PDE4D: variants seen among roughly 807,000 people sequenced by gnomAD.
The protein encoded by PDE4D is phosphodiesterase 4D.
A neutral mutation model predicts 87.4 loss-of-function variants in PDE4D; 24 were observed. That is an observed-to-expected ratio of 0.27 (90% confidence interval 0.20 to 0.39). The LOEUF (loss-of-function observed/expected upper bound fraction) is 0.39. Ranked by LOEUF, PDE4D falls within the 10% of genes least tolerant of loss-of-function variation. PDE4D has a pLI of 1.00. For missense variants in PDE4D, 714 were observed against 1,041.0 expected (o/e 0.69, Z 4.32); for synonymous variants, 384 against 383.2 (o/e 1.00, Z -0.02).
chr5:60,106,545 C>G (rs565669274), intron 2 of PDE4D, among the ~76,000 whole-genome samples: 1 of 152,154 alleles, frequency 6.6e-6, no homozygotes, highest in African/African-American at 2.4e-5. Flanking sequence ...CCCAAATCAA[C>G]AGAATATACA....
chr5:59,895,301 TTCA>T (rs574762206), upstream of PDE4D, among the ~76,000 whole-genome samples: 100 of 152,348 alleles, frequency 6.6e-4, no homozygotes, highest in African/African-American at 2.4e-3. Context: ...GGAGAAGGCC[TTCA>T]TCATCTCTTC....
intron 5 of PDE4D, among the ~76,000 whole-genome samples, chr5:59,120,790 T>C (rs1774355266): frequency 6.6e-6 from 1 of 151,992 alleles, no homozygotes. Context: ...TACAACGCTA[T>C]AGTAACAAAA....
At chr5:60,312,498 T>TA (rs1755139587) in intron 1 of PDE4D, among the ~76,000 whole-genome samples, 1 of 152,150 alleles carries the variant, frequency 6.6e-6, no homozygotes, top group Admixed American at 6.6e-5. Flanking sequence ...TCAGGAAACT[T>TA]ACAATCATGG....
chr5:60,349,366 A>G (rs1758996207), intron 1 of PDE4D, among the ~76,000 whole-genome samples: 1 of 152,166 alleles, frequency 6.6e-6, no homozygotes, highest in South Asian at 2.1e-4. Flanking sequence ...AGATCTTACA[A>G]TTACAGACCC....
intron 2 of PDE4D, among the ~76,000 whole-genome samples, chr5:60,100,302 A>C (rs888155793): frequency 4.6e-5 from 7 of 152,038 alleles, no homozygotes; most frequent in African/African-American, 1.7e-4. Context: ...ATAGATGGGG[A>C]ACAGGGTGAA....
At chr5:60,391,227 C>T (rs187351281) in intron 1 of PDE4D, among the ~76,000 whole-genome samples, 34 of 152,248 alleles carry the variant, frequency 2.2e-4, no homozygotes, top group Non-Finnish European at 4.0e-4. Context: ...AATGATTGAT[C>T]TAACCTATAA....
chr5:59,865,476 T>G (rs1420056604), intron 1 of PDE4D, among the ~76,000 whole-genome samples: 1 of 152,186 alleles, frequency 6.6e-6, no homozygotes, highest in East Asian at 1.9e-4. Flanking sequence ...AGGGACCCAC[T>G]GCCACAGCCT....
Position 60,015,436 on chromosome 5 carries a change from G to A in PDE4D, c.43-26719C>T, listed in dbSNP as rs574109485. On this transcript the variant is annotated intron_variant, in intron 2 of 16. Coordinates refer to the PDE4D transcript ENST00000502484. ...TAGAATGCAACAGTAATGATATCCC[G>A]GGACTCCTGAGCTCAGGTCTGACAG... Among the ~76,000 whole-genome samples, 19 of 152,194 alleles carry A rather than the reference G, an allele frequency of 1.2e-4. No individual in the cohort carries two copies. The East Asian group carries it at 1.4e-3, about 11-fold the overall frequency.
In PDE4D at chr5:58,970,087, A is replaced by T. The variant is rs1394690465; in HGVS notation, c.*4577T>A. On this transcript the variant is annotated 3_prime_UTR_variant, in exon 15 of 15. Transcript: ENST00000340635. ...AGTCATAAATAGGCAGAATCAACCC[A>T]TGCTTTTATTTTCATTGCATATAAA... 1.3e-5 allele frequency: 2 copies of T among 152,168 alleles called. No homozygotes were observed. The highest frequency in any genetic ancestry group is 4.8e-5 in the African/African-American group (2 of 41,454). The allele number at this position is 152,168 out of a possible 1,614,324, so 9.4% of individuals were successfully genotyped here. A position where few individuals can be genotyped will look rare whatever the true frequency, so the allele number is the denominator to read the frequency against.
chr5:59,619,344 C>G (rs935471014), intron 1 of PDE4D, among the ~76,000 whole-genome samples: 5 of 151,984 alleles, frequency 3.3e-5, no homozygotes, highest in Admixed American at 3.3e-4. Context: ...AAAATATAAG[C>G]CTAGGGTCTA....
At chr5:59,443,878 A>G (rs981600251) in intron 1 of PDE4D, among the ~76,000 whole-genome samples, 5 of 151,628 alleles carry the variant, frequency 3.3e-5, no homozygotes, top group East Asian at 1.9e-4. Flanking sequence ...TAATGAGGGG[A>G]AAAAAAATCA....
At chr5:60,374,349 G>A (rs1761268567) in intron 1 of PDE4D, among the ~76,000 whole-genome samples, 1 of 152,100 alleles carries the variant, frequency 6.6e-6, no homozygotes, top group Non-Finnish European at 1.5e-5. Context: ...AAAAAGGAGA[G>A]CAAAAAAGAA....
intron 5 of PDE4D, among the ~76,000 whole-genome samples, chr5:59,105,651 T>G (rs1771467924): frequency 6.6e-6 from 1 of 152,206 alleles, no homozygotes; most frequent in South Asian, 2.1e-4. Flanking sequence ...TCCTGCAAGA[T>G]TAAAAAGCAG....
intron 2 of PDE4D, among the ~76,000 whole-genome samples, chr5:60,169,658 T>C (rs1783241890): frequency 6.6e-6 from 1 of 152,046 alleles, no homozygotes; most frequent in South Asian, 2.1e-4. Flanking sequence ...CAATTAATAA[T>C]AATATAAAGT....
intron 1 of PDE4D, among the ~76,000 whole-genome samples, chr5:59,354,280 A>G (rs1780993405): frequency 6.6e-6 from 1 of 152,240 alleles, no homozygotes; most frequent in Admixed American, 6.5e-5. Context: ...AAGCCTCTTA[A>G]AGGTCAAGAT....
intron 5 of PDE4D, among the ~76,000 whole-genome samples, chr5:59,135,306 T>G (rs114287735): frequency 1.8e-4 from 27 of 152,370 alleles, no homozygotes; most frequent in African/African-American, 6.5e-4. Context: ...GTCCATTTTA[T>G]GAGTACTTTG....
chr5:59,484,656 G>A (rs1166043447), intron 1 of PDE4D, among the ~76,000 whole-genome samples: 1 of 152,126 alleles, frequency 6.6e-6, no homozygotes, highest in Non-Finnish European at 1.5e-5. Context: ...CTTCATTCCT[G>A]TGATACCGAT....
intron 3 of PDE4D, among the ~76,000 whole-genome samples, chr5:59,935,859 G>T (rs896936039): frequency 6.6e-6 from 1 of 152,128 alleles, no homozygotes; most frequent in African/African-American, 2.4e-5. Flanking sequence ...TCTATCATTG[G>T]TGGACATTTG....
At chr5:59,183,699 G>T (rs1742229301) in intron 4 of PDE4D, among the ~76,000 whole-genome samples, 1 of 152,168 alleles carries the variant, frequency 6.6e-6, no homozygotes, top group African/African-American at 2.4e-5. Context: ...GGGCCGCTGA[G>T]GTCAGTATGA....
Sources: allele counts gnomAD v4.1 joint callset (sites outside exome capture counted in the v4.1 genomes callset), GRCh38; gene constraint gnomAD v4.1.1; transcripts MANE v1.5; gene names NCBI Gene and HGNC (gene_info 2026-07-23, HGNC 2026-07-21).